MEGF6: variants seen among roughly 807,000 people sequenced by gnomAD.
MEGF6 encodes multiple EGF like domains 6.
MEGF6 carries 184 observed loss-of-function variants against 207.1 expected under a neutral mutation model. The observed-to-expected ratio is 0.89, with a 90% confidence interval of 0.79 to 1.00. The LOEUF (loss-of-function observed/expected upper bound fraction) is 1.00. Ranked by LOEUF, MEGF6 falls within the 50% of genes least tolerant of loss-of-function variation. MEGF6 has a pLI of 0.00. For missense variants in MEGF6, 2,282 were observed against 2,202.9 expected (o/e 1.04, Z -0.72); for synonymous variants, 1,038 against 910.0 (o/e 1.14, Z -2.53).
chr1:3,501,865 C>T lies in MEGF6; in HGVS notation c.2245G>A (p.Ala749Thr), dbSNP rs1256561987. 7 of 1,603,578 alleles carry T rather than the reference C, an allele frequency of 4.4e-6. No homozygotes were observed. The highest frequency in any genetic ancestry group is 2.7e-5 in the African/African-American group (2 of 74,222). ...TGCCCCGTGACCCCGTGGCAGGGGG[C>T]CCCCCCACAGGAGCAGGAGCTCGAG... ...NCSSSCSCGG[A>T]PCHGVTGQCR... Residue 749 changes from alanine (A) to threonine (T), a missense_variant, in exon 18 of 37, where the codon GCC becomes ACC. Transcript: ENST00000356575.
At chr1:3,538,324 G>A (rs543018584) in intron 4 of MEGF6, among the ~76,000 whole-genome samples, 3 of 152,224 alleles carry the variant, frequency 2.0e-5, no homozygotes, top group Non-Finnish European at 4.4e-5. Context: ...CAGGAGCAGG[G>A]GGGGCCCCCA....
chr1:3,525,670 G>A (rs1283385314), intron 4 of MEGF6, among the ~76,000 whole-genome samples: 1 of 152,236 alleles, frequency 6.6e-6, no homozygotes. Flanking sequence ...AGGCCCAGCA[G>A]GACCCCCGGG....
At chr1:3,567,555 C>A (rs1410204004) in intron 4 of MEGF6, among the ~76,000 whole-genome samples, 3 of 152,208 alleles carry the variant, frequency 2.0e-5, no homozygotes, top group Non-Finnish European at 2.9e-5. Flanking sequence ...CCAGGACAAG[C>A]CACCTGCCAG....
chr1:3,504,608 G>A (rs1333485316), intron 17 of MEGF6, among the ~76,000 whole-genome samples: 1 of 151,996 alleles, frequency 6.6e-6, no homozygotes, highest in Non-Finnish European at 1.5e-5. Flanking sequence ...TGGTCCCCGG[G>A]TCTCCCAGGA....
chr1:3,562,652 T>C (rs1643235868), intron 4 of MEGF6, among the ~76,000 whole-genome samples: 1 of 152,194 alleles, frequency 6.6e-6, no homozygotes, highest in South Asian at 2.1e-4. Flanking sequence ...CCGCCAGGGG[T>C]GGGCTGGAGC....
chr1:3,505,693 G>T, intron 15 of MEGF6, 137 bp from the exon 16 acceptor site: 1 of 1,196,490 alleles, frequency 8.4e-7, no homozygotes, highest in Non-Finnish European at 1.1e-6. Context: ...TCCCCCTGCA[G>T]CCCACCGCCC....
At position 3,598,663 on chromosome 1, in the gene MEGF6, C is replaced by T. The variant is rs1277451980; in HGVS notation, c.267-3216G>A. Among the ~76,000 whole-genome samples, 3 of 151,476 alleles carry T rather than the reference C, an allele frequency of 2.0e-5. No individual in the cohort carries two copies. The East Asian group carries it at 5.9e-4, about 30-fold the overall frequency. On this transcript the variant is annotated intron_variant, in intron 2 of 36. Transcript: ENST00000356575. ...TGCAGCCAGCACCAGCCCACACGGG[C>T]TCCAACGCTGGGGAGCTGGTTCACG...
chr1:3,590,188 C>T (rs991460306), intron 3 of MEGF6, among the ~76,000 whole-genome samples: 4 of 152,200 alleles, frequency 2.6e-5, no homozygotes, highest in African/African-American at 7.2e-5. Context: ...GGTGTACATG[C>T]GGAAGGACCA....
At chr1:3,536,559 T>C (rs1340617144) in intron 4 of MEGF6, among the ~76,000 whole-genome samples, 1 of 152,024 alleles carries the variant, frequency 6.6e-6, no homozygotes, top group African/African-American at 2.4e-5. Context: ...CAACACCCCC[T>C]CCCCTACTCA....
intron 27 of MEGF6, 51 bp from the exon 28 acceptor site, chr1:3,497,170 G>C (rs1305773918): frequency 1.3e-6 from 2 of 1,543,444 alleles, no homozygotes; most frequent in East Asian, 2.3e-5. Flanking sequence ...CCAAGGAACA[G>C]GCAGCCTCTC....
chr1:3,499,280 G>A lies in MEGF6; in HGVS notation c.2966-14C>T. The stretch of plus-strand genomic sequence containing the variant: ...GGGCTGGGCAGGCTGCAGGTGGAGA[G>A]GGCTGGTCAGAGCCAGGGGTGGGCA... On this transcript the variant is annotated splice_polypyrimidine_tract_variant and intron_variant, in intron 23 of 36. Transcript: ENST00000356575. 2 of 1,598,054 alleles carry A rather than the reference G, an allele frequency of 1.3e-6. No homozygotes were observed. Among genetic ancestry groups the A allele is most frequent in the Non-Finnish European group, 1.7e-6 (2 of 1,173,014 alleles).
intron 4 of MEGF6, among the ~76,000 whole-genome samples, chr1:3,534,147 G>A (rs368737006): frequency 1.3e-5 from 2 of 152,158 alleles, no homozygotes; most frequent in African/African-American, 4.8e-5. Flanking sequence ...AAAGGCCACC[G>A]AGCCATGCAC....
chr1:3,520,791 G>A (rs951609478), intron 5 of MEGF6, among the ~76,000 whole-genome samples: 30 of 152,208 alleles, frequency 2.0e-4, no homozygotes, highest in African/African-American at 7.2e-4. Context: ...AGGGAGGTGT[G>A]GAGGTTGTAC....
At chr1:3,504,223 G>A (rs1256920248) in intron 17 of MEGF6, among the ~76,000 whole-genome samples, 1 of 152,176 alleles carries the variant, frequency 6.6e-6, no homozygotes, top group Non-Finnish European at 1.5e-5. Context: ...GCAGGCCCTC[G>A]TGGCTCCCGT....
intron 7 of MEGF6, among the ~76,000 whole-genome samples, chr1:3,512,436 T>C (rs1310234863): frequency 2.6e-5 from 4 of 152,324 alleles, no homozygotes; most frequent in East Asian, 1.9e-4. Flanking sequence ...CCCGTGGCCA[T>C]CCGGCGGGGG....
chr1:3,582,681 C>T (rs1026623698), intron 3 of MEGF6, among the ~76,000 whole-genome samples: 2 of 152,310 alleles, frequency 1.3e-5, no homozygotes, highest in African/African-American at 2.4e-5. Flanking sequence ...ATTAGACCCC[C>T]ATCCAGCTCC....
At chr1:3,608,324 C>T (rs1644280542) in intron 1 of MEGF6, among the ~76,000 whole-genome samples, 1 of 152,090 alleles carries the variant, frequency 6.6e-6, no homozygotes, top group Non-Finnish European at 1.5e-5. Flanking sequence ...AGTGAGAGCT[C>T]CTTCCCCTCC....
At chr1:3,554,162 G>A (rs556251430) in intron 4 of MEGF6, among the ~76,000 whole-genome samples, 10 of 152,278 alleles carry the variant, frequency 6.6e-5, no homozygotes, top group South Asian at 4.1e-4. Flanking sequence ...GGCAGCCACC[G>A]TGACCCCCTT....
At position 3,514,597 on chromosome 1, in the gene MEGF6, T is replaced by C; in HGVS notation, c.806A>G (p.Glu269Gly). 6.3e-7 allele frequency: 1 copy of C among 1,583,420 alleles called. No homozygotes were observed. Among genetic ancestry groups the C allele is most frequent in the Non-Finnish European group, 8.6e-7 (1 of 1,167,152 alleles). ...TGCTAGCTGATAGCCCACGTGGCAC[T>C]CACAGCGGGCGAGGCCCCGGACCAC... ...CQVVRGLARC[E>G]CHVGYQLAAD... is the part of the protein sequence containing the mutation. The change falls in exon 7 of 37, where the codon GAG (glutamate) becomes GGG (glycine). Residue 269 changes from glutamate to glycine, a missense_variant. Transcript: ENST00000356575.
Sources: gnomAD v4.1 joint callset for allele counts (sites outside exome capture counted in the v4.1 genomes callset) on GRCh38, gnomAD v4.1.1 for gene constraint, MANE v1.5 for transcripts, NCBI Gene and HGNC (gene_info 2026-07-23, HGNC 2026-07-21) for gene names.